Variants in PIK3C2A observed in about 807,000 individuals in gnomAD.
PIK3C2A encodes phosphatidylinositol 4-phosphate 3-kinase C2 domain-containing subunit alpha.
A neutral mutation model predicts 204.5 loss-of-function variants in PIK3C2A; 97 were observed. That is an observed-to-expected ratio of 0.47 (90% CI 0.40 to 0.56). The LOEUF (loss-of-function observed/expected upper bound fraction) is 0.56. Among genes scored for constraint, PIK3C2A ranks in the 20% least tolerant of loss-of-function variants. The pLI is 0.00. For synonymous variants in PIK3C2A, 653 were observed against 664.4 expected, an observed-to-expected ratio of 0.98 and a Z score of 0.26; for missense variants, 1,735 against 1,969.2, an observed-to-expected ratio of 0.88 and a Z score of 2.25.
At chr11:17,173,879 T>C (rs1349119498) in intron 1 of PIK3C2A, among the ~76,000 whole-genome samples, 1 of 152,206 alleles carries the variant, frequency 6.6e-6, no homozygotes, top group East Asian at 1.9e-4. Context: ...CTCGGCTCAC[T>C]GCAACCTCTG....
chr11:17,194,949 T>C (rs1047479184), intron 1 of PIK3C2A, among the ~76,000 whole-genome samples: 2 of 152,074 alleles, frequency 1.3e-5, no homozygotes, highest in African/African-American at 2.4e-5. Context: ...CTCTTAGATT[T>C]CTATAATATT....
At position 17,202,279 on chromosome 11, in the gene PIK3C2A, AGAAG is replaced by A. The variant is rs1157181951; in HGVS notation, c.-66+5565_-66+5568del. On this transcript the variant is annotated intron_variant, in intron 1 of 32. Coordinates refer to ENST00000691414, the MANE Select transcript of PIK3C2A (RefSeq NM_002645.4). ...CTCCAGAAAAAAAAAAAAAAAAGAA[AGAAG>A]GAAGAAAAGAAAAGAATACTGGGGT... Among the ~76,000 whole-genome samples, 312 of 151,086 alleles carry A rather than the reference AGAAG, an allele frequency of 2.1e-3. 1 individual carries two copies. The highest frequency in any genetic ancestry group is 6.9e-3 in the African/African-American group (286 of 41,202).
In PIK3C2A at chr11:17,169,261, T is replaced by C. The variant is rs755691207; in HGVS notation, c.481A>G (p.Thr161Ala). Reference protein sequence around the residue: ...TYALPSIYPSTYSKQAAFQNG... With the variant: ...TYALPSIYPSAYSKQAAFQNG... ...TGGAATGCAGCCTGTTTACTGTAAG[T>C]AGAAGGATAAATAGAAGGTAAAGCA... The change falls in exon 2 of 33, where the codon ACT becomes GCT. Residue 161 changes from threonine (T) to alanine (A), a missense_variant. Thr to Ala is a moderately conservative substitution (Grantham distance 58). Around this residue, in one of 6 missense-constraint regions of PIK3C2A, gnomAD observed 536 missense variants for 546.7 expected, o/e 0.98. Transcript: ENST00000691414. 2.7e-5 allele frequency: 44 copies of C among 1,613,942 alleles called. No individual in the cohort carries two copies. The highest frequency in any genetic ancestry group is 3.6e-5 in the Non-Finnish European group (43 of 1,179,992).
At chr11:17,114,511 A>T (rs200686657) in intron 19 of PIK3C2A, 46 bp from the exon 20 acceptor site, 3 of 883,372 alleles carry the variant, frequency 3.4e-6, no homozygotes, top group Non-Finnish European at 5.6e-6. Context: ...GAAAATGAAG[A>T]TCTATTTTTC....
chr11:17,154,941 G>A (rs916792954), intron 3 of PIK3C2A, among the ~76,000 whole-genome samples: 1 of 152,126 alleles, frequency 6.6e-6, no homozygotes, highest in African/African-American at 2.4e-5. Flanking sequence ...ATAATGGGAA[G>A]AAAACATGCT....
chr11:17,170,078 T>C (rs1355645089), intron 1 of PIK3C2A, among the ~76,000 whole-genome samples: 1 of 152,206 alleles, frequency 6.6e-6, no homozygotes, highest in South Asian at 2.1e-4. Context: ...GACGCTTTCA[T>C]TTTAGCAGTC....
intron 1 of PIK3C2A, among the ~76,000 whole-genome samples, chr11:17,198,057 G>T (rs1188837189): frequency 1.3e-5 from 2 of 151,376 alleles, no homozygotes; most frequent in African/African-American, 4.9e-5. Flanking sequence ...GATAGCAGGA[G>T]AAAGAACCAT....
At chr11:17,139,547 A>T (rs1849987286) in intron 8 of PIK3C2A, among the ~76,000 whole-genome samples, 1 of 152,156 alleles carries the variant, frequency 6.6e-6, no homozygotes, top group African/African-American at 2.4e-5. Flanking sequence ...TCAAGTAACT[A>T]GTACAATTTC....
chr11:17,182,164 T>C (rs118155973), intron 1 of PIK3C2A, among the ~76,000 whole-genome samples: 5 of 152,162 alleles, frequency 3.3e-5, no homozygotes, highest in African/African-American at 4.8e-5. Context: ...AGTGGGGACT[T>C]TGGGGTACTA....
At chr11:17,159,709 C>T (rs192094751) in intron 2 of PIK3C2A, among the ~76,000 whole-genome samples, 2 of 152,186 alleles carry the variant, frequency 1.3e-5, no homozygotes, top group Admixed American at 1.3e-4. Flanking sequence ...CTGTGAGGCA[C>T]AGAACTGGGA....
intron 1 of PIK3C2A, among the ~76,000 whole-genome samples, chr11:17,200,893 G>A (rs1247793146): frequency 6.6e-6 from 1 of 152,164 alleles, no homozygotes; most frequent in Non-Finnish European, 1.5e-5. Context: ...ATGTCATTAT[G>A]AGATCTAGTC....
chr11:17,200,371 C>T lies in PIK3C2A; in HGVS notation c.-66+7477G>A, dbSNP rs547215740. Among the ~76,000 whole-genome samples the T allele has an allele frequency of 3.9e-5, 6 of 152,206 alleles. 1 individual carries two copies. In the South Asian group the frequency reaches 6.2e-4, roughly 16 times the overall value. On this transcript the variant is annotated intron_variant, in intron 1 of 32. Coordinates refer to ENST00000691414, the MANE Select transcript of PIK3C2A (RefSeq NM_002645.4). ...AAGGGATTTCTCTGTACTACAATTA[C>T]AAATTTTCTGTAAATTGGTAACTTC...
At chr11:17,121,279 G>A (rs1405291001) in intron 15 of PIK3C2A, among the ~76,000 whole-genome samples, 2 of 151,144 alleles carry the variant, frequency 1.3e-5, no homozygotes, top group Non-Finnish European at 3.0e-5. Context: ...CACTGTGCCT[G>A]GCTACTTTTA....
chr11:17,188,332 C>A (rs1343345170), intron 1 of PIK3C2A, among the ~76,000 whole-genome samples: 1 of 145,418 alleles, frequency 6.9e-6, no homozygotes. Context: ...CAGAGTGAGA[C>A]CCTGTCTCAA....
At chr11:17,110,367 C>A (rs994662165) in intron 22 of PIK3C2A, 65 bp downstream of exon 22, 22 of 1,235,966 alleles carry the variant, frequency 1.8e-5, no homozygotes, top group Admixed American at 6.4e-5. Flanking sequence ...ATGTTTACGG[C>A]AGGTACACTT....
At chr11:17,198,002 C>T (rs572103307) in intron 1 of PIK3C2A, among the ~76,000 whole-genome samples, 1 of 152,248 alleles carries the variant, frequency 6.6e-6, no homozygotes, top group South Asian at 2.1e-4. Flanking sequence ...CTTACTTTCA[C>T]ATGACATCAA....
chr11:17,112,060 G>C (rs532693276), intron 21 of PIK3C2A, among the ~76,000 whole-genome samples: 2 of 152,220 alleles, frequency 1.3e-5, no homozygotes, highest in African/African-American at 4.8e-5. Context: ...AGTGGTTCAA[G>C]TAGAAGCAAT....
At position 17,089,608 on chromosome 11, in the gene PIK3C2A, A is replaced by T. The variant is rs1158651326; in HGVS notation, c.*130T>A. The stretch of plus-strand genomic sequence containing the variant: ...AAATGCAGCAAGTATATTTAACTTT[A>T]TAAGTTCTGTCCAAGTATAAAAATA... On this transcript the variant is annotated 3_prime_UTR_variant, in exon 33 of 33. Transcript: ENST00000691414. 2 of 593,674 alleles carry T rather than the reference A, an allele frequency of 3.4e-6. No individual in the cohort carries two copies. The highest frequency in any genetic ancestry group is 5.8e-6 in the Non-Finnish European group (2 of 344,194). The allele number at this position is 593,674 out of a possible 1,614,324, so 36.8% of individuals were successfully genotyped here.
chr11:17,159,226 C>T (rs1168544700), intron 2 of PIK3C2A, among the ~76,000 whole-genome samples: 1 of 152,194 alleles, frequency 6.6e-6, no homozygotes, highest in African/African-American at 2.4e-5. Context: ...CACATCTTGT[C>T]TCCCCTTTCT....
Sources: gnomAD v4.1 joint callset for allele counts (sites outside exome capture counted in the v4.1 genomes callset) on GRCh38, gnomAD v4.1.1 for gene constraint, gnomAD v4.1.1 regional missense constraint, MANE v1.5 for transcripts, NCBI Gene and HGNC (gene_info 2026-07-23, HGNC 2026-07-21) for gene names.